COL28A1: variants seen among roughly 807,000 people sequenced by gnomAD.
The protein encoded by COL28A1 is collagen type XXVIII alpha 1 chain, also known as collagen alpha-1(XXVIII) chain.
In COL28A1, 161 loss-of-function variants were observed where a neutral mutation model predicts 150.2. The observed-to-expected ratio is 1.07, with a 90% CI of 0.94 to 1.22. The LOEUF (loss-of-function observed/expected upper bound fraction) is 1.22. Ranked by LOEUF, COL28A1 falls within the 50% of genes most tolerant of loss-of-function variation. The pLI is 0.00. For synonymous variants in COL28A1, 552 were observed against 469.7 expected (o/e 1.18, Z -2.26); for missense variants, 1,617 against 1,388.3 (o/e 1.16, Z -2.62).
At position 7,373,848 on chromosome 7, in the gene COL28A1, C is replaced by T. The variant is rs1023032549; in HGVS notation, c.2360-302G>A. On this transcript the variant is annotated intron_variant, in intron 31 of 34. Coordinates refer to ENST00000399429, the MANE Select transcript of COL28A1 (RefSeq NM_001037763.3). The surrounding 1 kb of genome is among the most constrained non-coding windows in gnomAD (Gnocchi z 4.1). Reference sequence around the variant, plus strand: ...CCGAGTAGCTGGGACTACAGGCGCCCGCCACCTCGCCTGGCTAATTTTTTG... The same window carrying T: ...CCGAGTAGCTGGGACTACAGGCGCCTGCCACCTCGCCTGGCTAATTTTTTG... Among the ~76,000 whole-genome samples the T allele has an allele frequency of 6.6e-6, 1 of 151,206 alleles. No individual in the cohort carries two copies. The highest frequency in any genetic ancestry group is 2.1e-4 in the South Asian group (1 of 4,774).
At chr7:7,400,532 C>T (rs1783112823) in intron 27 of COL28A1, among the ~76,000 whole-genome samples, 1 of 152,134 alleles carries the variant, frequency 6.6e-6, no homozygotes, top group South Asian at 2.1e-4. Context: ...TTGTAGAACG[C>T]ATTCTCATGT....
intron 11 of COL28A1, among the ~76,000 whole-genome samples, chr7:7,494,283 C>A (rs1780084524): frequency 6.6e-6 from 1 of 151,894 alleles, no homozygotes; most frequent in Non-Finnish European, 1.5e-5. Flanking sequence ...TTTCGAACTC[C>A]TTTCCTCAAA....
rs35891541 is a variant in COL28A1, at chr7:7,441,891, T to TA, written c.1651-1031dup. ...CTAATGTAAAGCAGTGGCACCGGTG[T>TA]AAAAAAAAAGAGTTGAATGTCCAAA... On this transcript the variant is annotated intron_variant, in intron 20 of 34. Coordinates refer to ENST00000399429, the MANE Select transcript of COL28A1 (RefSeq NM_001037763.3). Among the ~76,000 whole-genome samples the TA allele has an allele frequency of 2.7e-3, 402 of 151,312 alleles. 2 individuals carry two copies. The highest frequency in any genetic ancestry group is 8.4e-3 in the African/African-American group (348 of 41,262).
chr7:7,490,052 G>T (rs748414844), intron 12 of COL28A1, among the ~76,000 whole-genome samples: 3 of 152,208 alleles, frequency 2.0e-5, no homozygotes, highest in Admixed American at 2.0e-4. Flanking sequence ...CAACCACTTG[G>T]AAAAGCCATT....
chr7:7,536,649 T>C (rs1484597626), upstream of COL28A1, among the ~76,000 whole-genome samples: 1 of 152,156 alleles, frequency 6.6e-6, no homozygotes, highest in Non-Finnish European at 1.5e-5. Flanking sequence ...ACAGGCAGGC[T>C]TCTCCACGGA....
chr7:7,537,668 G>A (rs1257037484), upstream of COL28A1, among the ~76,000 whole-genome samples: 3 of 152,146 alleles, frequency 2.0e-5, no homozygotes, highest in East Asian at 5.8e-4. Context: ...TGTTTTCACT[G>A]TCTCCTCCTC....
chr7:7,395,029 T>G lies in COL28A1; in HGVS notation c.2137-13417A>C, dbSNP rs145501074. ...GCTATGGGCTGGGCATGGTGGCTTA[T>G]GCCTGTAATCCCAGCACTTTGGGAG... On this transcript the variant is annotated intron_variant, in intron 27 of 34. Transcript: ENST00000399429. 9.0e-3 allele frequency among the ~76,000 whole-genome samples: 1,366 copies of G among 152,294 alleles called. 23 individuals carry two copies. The highest frequency in any genetic ancestry group is 0.031 in the African/African-American group (1,305 of 41,564).
rs575304601 is a variant in COL28A1, at chr7:7,466,615, G to C, written c.1302+7986C>G. ...CAGGAAATACACAGAACGCCACAAA[G>C]ATACTCCTCGAGAAGAGCAACTCCA... On this transcript the variant is annotated intron_variant, in intron 15 of 34. Coordinates refer to ENST00000399429, the MANE Select transcript of COL28A1 (RefSeq NM_001037763.3). Among the ~76,000 whole-genome samples the C allele has an allele frequency of 7.6e-4, 57 of 75,298 alleles. 5 individuals carry two copies. In the South Asian group the frequency reaches 0.026, roughly 35 times the overall value. The allele number at this position is 75,298 out of a possible 152,430, so 49.4% of individuals were successfully genotyped here.
At chr7:7,384,679 G>A (rs1429030699) in intron 27 of COL28A1, among the ~76,000 whole-genome samples, 2 of 152,042 alleles carry the variant, frequency 1.3e-5, no homozygotes, top group Non-Finnish European at 2.9e-5. Context: ...TGGGAATATC[G>A]GAACATATCT....
intron 27 of COL28A1, among the ~76,000 whole-genome samples, chr7:7,398,985 T>C (rs980992661): frequency 4.6e-5 from 7 of 152,194 alleles, no homozygotes; most frequent in African/African-American, 1.2e-4. Context: ...CTTAGCAATC[T>C]TGTCCACTTC....
intron 27 of COL28A1, among the ~76,000 whole-genome samples, chr7:7,403,323 A>G (rs182951798): frequency 1.8e-4 from 28 of 152,256 alleles, no homozygotes; most frequent in African/African-American, 6.0e-4. Context: ...GGGTACCTAG[A>G]TCATATGTGT....
chr7:7,460,334 G>T (rs1240859049), intron 15 of COL28A1, among the ~76,000 whole-genome samples: 1 of 151,860 alleles, frequency 6.6e-6, no homozygotes, highest in African/African-American at 2.4e-5. Flanking sequence ...TTGAGTGGGA[G>T]CCTAGGGATG....
chr7:7,451,562 G>A (rs868454126), intron 18 of COL28A1, among the ~76,000 whole-genome samples: 29 of 151,886 alleles, frequency 1.9e-4, no homozygotes, highest in African/African-American at 5.3e-4. Context: ...AAGATTGCAC[G>A]TCATAAGTAG....
rs376742195 is a variant in COL28A1, at chr7:7,440,839, C to A, written c.1673G>T (p.Ser558Ile). 1.3e-6 allele frequency: 2 copies of A among 1,552,482 alleles called. No homozygotes were observed. The highest frequency in any genetic ancestry group is 8.9e-7 in the Non-Finnish European group (1 of 1,124,532). The stretch of plus-strand genomic sequence containing the variant: ...TCCCCTCTGTCCTTGATTTCCTTTG[C>A]TCCCTTTCTTGCCTTCGTCACCCTA... ...GPKGDEGKKG[S>I]KGNQGQRGLP... Residue 558 changes from serine (S) to isoleucine (I), a missense_variant, in exon 21 of 35, where the codon AGC becomes ATC. Ser to Ile is a moderately radical substitution (Grantham distance 142). Transcript: ENST00000399429.
chr7:7,534,988 T>A (rs1282998693), intron 1 of COL28A1, among the ~76,000 whole-genome samples: 1 of 152,158 alleles, frequency 6.6e-6, no homozygotes, highest in Non-Finnish European at 1.5e-5. Context: ...GTTTATTAAT[T>A]TGGCATCTTG....
intron 11 of COL28A1, among the ~76,000 whole-genome samples, chr7:7,501,900 G>A (rs563985286): frequency 2.6e-5 from 4 of 151,734 alleles, no homozygotes; most frequent in Non-Finnish European, 5.9e-5. Flanking sequence ...GAGACGTTCC[G>A]TTTTTTTTCT....
At chr7:7,530,652 A>G (rs1301116620) in intron 3 of COL28A1, among the ~76,000 whole-genome samples, 2 of 152,130 alleles carry the variant, frequency 1.3e-5, no homozygotes, top group Admixed American at 6.5e-5. Context: ...TGTTTTACAA[A>G]GCAGCAAGGA....
At chr7:7,517,674 T>C in intron 7 of COL28A1, 122 bp downstream of exon 7, 9 of 1,415,628 alleles carry the variant, frequency 6.4e-6, no homozygotes, top group Non-Finnish European at 8.8e-6. Flanking sequence ...TCTTGAGCCA[T>C]CAAGAGCACA....
At chr7:7,453,620 T>G in intron 16 of COL28A1, 112 bp from the exon 17 acceptor site, 4 of 660,384 alleles carry the variant, frequency 6.1e-6, no homozygotes, top group Non-Finnish European at 7.8e-6. Context: ...TCAATAAGCA[T>G]TTGTGGAGTG....
Sources: allele counts gnomAD v4.1 joint callset (sites outside exome capture counted in the v4.1 genomes callset), GRCh38; gene constraint gnomAD v4.1.1; non-coding constraint Gnocchi (gnomAD v3.1); transcripts MANE v1.5; gene names NCBI Gene and HGNC (gene_info 2026-07-23, HGNC 2026-07-21).